Variants in RAB8A observed in about 807,000 individuals in gnomAD.
The protein encoded by RAB8A is RAB8A, member RAS oncogene family.
Under a neutral mutation model 29.2 loss-of-function variants are expected in RAB8A, and 5 were observed. The ratio of observed to expected loss-of-function variants is 0.17; its 90% CI spans 0.09 to 0.36. RAB8A has a LOEUF of 0.36. Among genes scored for constraint, RAB8A ranks in the 10% least tolerant of loss-of-function variants. The pLI, the probability that RAB8A is intolerant of heterozygous loss-of-function variation, is 1.00. For synonymous variants in RAB8A, 108 were observed against 99.9 expected (o/e 1.08, Z -0.49); for missense variants, 171 against 272.2 (o/e 0.63, Z 2.62).
Position 16,127,631 on chromosome 19 carries a change from T to C in RAB8A, c.414+105T>C. On this transcript the variant is annotated intron_variant, in intron 5 of 7. Transcript: ENST00000300935. This position sits in a 1 kb window ranked among gnomAD's most constrained non-coding sequence, Gnocchi z 4.8. ...GCCCCAGGGGCCTGAGACGAGTTGG[T>C]CACCCCAGTGGGGCACGTGCCATGG... is the stretch of plus-strand genomic sequence containing the variant. The C allele has an allele frequency of 3.3e-6, 3 of 917,492 alleles. No homozygotes were observed. The highest frequency in any genetic ancestry group is 4.7e-6 in the Non-Finnish European group (3 of 632,048). 56.8% of individuals were successfully genotyped at this position (917,492 alleles called of 1,614,324 possible). A position where few individuals can be genotyped will look rare whatever the true frequency, so the allele number is the denominator to read the frequency against.
At position 16,121,982 on chromosome 19, in the gene RAB8A, C is replaced by G. The variant is rs573109621; in HGVS notation, c.246+172C>G. On this transcript the variant is annotated intron_variant, in intron 3 of 7. Transcript: ENST00000300935. The stretch of plus-strand genomic sequence containing the variant: ...ACAGGCTTTGTGCCCCGGCCTACCC[C>G]CATGTACATACCTCCCCTTCTGGCT... 2.0e-5 allele frequency: 12 copies of G among 587,484 alleles called. No individual in the cohort carries two copies. In the African/African-American group the frequency reaches 2.2e-4, roughly 11 times the overall value. The allele number at this position is 587,484 out of a possible 1,614,324, so 36.4% of individuals were successfully genotyped here. A position where few individuals can be genotyped will look rare whatever the true frequency, so the allele number is the denominator to read the frequency against.
rs964691409 is a variant in RAB8A, at chr19:16,133,735, G to A, written c.*1431G>A. On this transcript the variant is annotated 3_prime_UTR_variant, in exon 8 of 8. Transcript: ENST00000300935. ...GGTAGAGCCCATGGATTACCCCATC[G>A]AGCGGCCACCTCAGAGGAGATGCCA... 4 of 152,440 alleles carry A rather than the reference G, an allele frequency of 2.6e-5. No individual in the cohort carries two copies. The highest frequency in any genetic ancestry group is 7.2e-5 in the African/African-American group (3 of 41,454). 9.4% of individuals were successfully genotyped at this position (152,440 alleles called of 1,614,324 possible).
chr19:16,120,313 ATTTTTT>A (rs546591257), intron 2 of RAB8A, among the ~76,000 whole-genome samples: 1 of 130,466 alleles, frequency 7.7e-6, no homozygotes, highest in East Asian at 2.2e-4. Flanking sequence ...GTCACCTTTA[ATTTTTT>A]TTTTTTTTTT....
At chr19:16,126,718 C>T (rs2090903068) in intron 4 of RAB8A, 1 of 152,276 alleles carries the variant, frequency 6.6e-6, no homozygotes, top group African/African-American at 2.4e-5. Flanking sequence ...AATGTCAGGG[C>T]CAGGCGAGGT....
At chr19:16,116,553 G>A (rs1033531663) in intron 1 of RAB8A, among the ~76,000 whole-genome samples, 5 of 152,242 alleles carry the variant, frequency 3.3e-5, no homozygotes, top group East Asian at 1.9e-4. Flanking sequence ...GGCCAGGCAC[G>A]CACGGTGGCA....
chr19:16,118,276 C>T lies in RAB8A; in HGVS notation c.175C>T (p.Leu59=). The T allele has an allele frequency of 6.2e-7, 1 of 1,611,154 alleles. No homozygotes were observed. Among genetic ancestry groups the T allele is most frequent in the South Asian group, 1.1e-5 (1 of 91,050 alleles). The stretch of plus-strand genomic sequence containing the variant: ...AGAGCTCGATGGCAAGAGAATTAAA[C>T]TGCAGATATGGTAAGAGTCATTGTT... ...TIELDGKRIK[L]QIWDTAGQER... The change falls in exon 2 of 8, where the codon CTG becomes TTG. Residue 59 remains leucine (L), a synonymous_variant. Transcript: ENST00000300935.
In RAB8A at chr19:16,125,644, C is replaced by A. The variant is rs1468591765; in HGVS notation, c.324+97C>A. On this transcript the variant is annotated intron_variant, in intron 4 of 7. Transcript: ENST00000300935. The surrounding 1 kb of genome is among the most constrained non-coding windows in gnomAD (Gnocchi z 5.0). ...GAAGGCCAAGGTGCAGAGACACATA[C>A]AGGCCACTTGCCCACAGCCTCCTAG... 1 of 1,162,988 alleles carries A rather than the reference C, an allele frequency of 8.6e-7. No homozygotes were observed. Among genetic ancestry groups the A allele is most frequent in the South Asian group, 1.3e-5 (1 of 76,740 alleles). The allele number at this position is 1,162,988 out of a possible 1,614,324, so 72.0% of individuals were successfully genotyped here. A position where few individuals can be genotyped will look rare whatever the true frequency, so the allele number is the denominator to read the frequency against.
intron 1 of RAB8A, among the ~76,000 whole-genome samples, chr19:16,113,740 TAGAG>T (rs987221310): frequency 6.6e-6 from 1 of 152,150 alleles, no homozygotes; most frequent in African/African-American, 2.4e-5. Flanking sequence ...AGATGTAAAA[TAGAG>T]AGAATTGACT....
chr19:16,127,541 A>ACAAGG lies in RAB8A; in HGVS notation c.414+16_414+20dup, dbSNP rs749079286. 115 of 1,506,940 alleles carry ACAAGG rather than the reference A, an allele frequency of 7.6e-5. No homozygotes were observed. The highest frequency in any genetic ancestry group is 9.8e-5 in the Non-Finnish European group (110 of 1,127,110). 93.3% of individuals were successfully genotyped at this position (1,506,940 alleles called of 1,614,324 possible). A position where few individuals can be genotyped will look rare whatever the true frequency, so the allele number is the denominator to read the frequency against. ...GGGGAGAAAAGGTGGGCATGGTGGC[A>ACAAGG]CAAGGGGCAGAGGGCCTCGGGGTCT... On this transcript the variant is annotated intron_variant, in intron 5 of 7. Transcript: ENST00000300935. The surrounding 1 kb of genome is among the most constrained non-coding windows in gnomAD (Gnocchi z 4.8).
chr19:16,112,087 G>C (rs2090826057), intron 1 of RAB8A, 62 bp downstream of exon 1: 9 of 1,595,726 alleles, frequency 5.6e-6, no homozygotes, highest in Non-Finnish European at 7.7e-6. Flanking sequence ...CCCCTGAGGG[G>C]CTGGGGCTGA....
intron 7 of RAB8A, 136 bp downstream of exon 7, chr19:16,129,740 G>C: frequency 3.4e-6 from 3 of 889,794 alleles, no homozygotes; most frequent in East Asian, 2.5e-5. Context: ...GCTGGGAAAG[G>C]GGGAAGAGTT....
Position 16,117,216 on chromosome 19 carries a change from C to T in RAB8A, c.125-1010C>T, listed in dbSNP as rs146741247. Among the ~76,000 whole-genome samples, 843 of 151,988 alleles carry T rather than the reference C, an allele frequency of 5.5e-3. 7 individuals carry two copies. Among genetic ancestry groups the T allele is most frequent in the Non-Finnish European group, 8.6e-3 (585 of 67,962 alleles). On this transcript the variant is annotated intron_variant, in intron 1 of 7. Transcript: ENST00000300935. Reference sequence around the variant, plus strand: ...AAAGTTTGGAGCAGAGGGCCGGGTGCGGTGGCTGATGCCTATAATCCCAGC... The same window carrying T: ...AAAGTTTGGAGCAGAGGGCCGGGTGTGGTGGCTGATGCCTATAATCCCAGC...
chr19:16,123,757 T>A (rs2090885078), intron 3 of RAB8A: 1 of 152,196 alleles, frequency 6.6e-6, no homozygotes, highest in African/African-American at 2.4e-5. Flanking sequence ...TCCTCATCTC[T>A]GTCAGCATGC....
chr19:16,115,561 G>A (rs1405791028), intron 1 of RAB8A, among the ~76,000 whole-genome samples: 6 of 152,180 alleles, frequency 3.9e-5, no homozygotes, highest in African/African-American at 1.4e-4. Flanking sequence ...GTTGGCATTT[G>A]AGAAAGTGCT....
In RAB8A at chr19:16,127,849, C is replaced by T; in HGVS notation, c.415-177C>T. 1 of 684,158 alleles carries T rather than the reference C, an allele frequency of 1.5e-6. No individual in the cohort carries two copies. The highest frequency in any genetic ancestry group is 2.6e-6 in the Non-Finnish European group (1 of 385,044). The allele number at this position is 684,158 out of a possible 1,614,324, so 42.4% of individuals were successfully genotyped here. ...CCCAGCAACTCCATGCCCTGTGAGG[C>T]CCTGTGGAGGGGCATTCACTATAGA... On this transcript the variant is annotated intron_variant, in intron 5 of 7. Transcript: ENST00000300935. The surrounding 1 kb of genome is among the most constrained non-coding windows in gnomAD (Gnocchi z 4.8).
chr19:16,131,952 G>C (rs1256178440), intron 7 of RAB8A, among the ~76,000 whole-genome samples: 1 of 151,512 alleles, frequency 6.6e-6, no homozygotes, highest in Non-Finnish European at 1.5e-5. Flanking sequence ...TGGATGGTTT[G>C]ATGGCTGATT....
intron 1 of RAB8A, among the ~76,000 whole-genome samples, chr19:16,114,023 C>CT (rs1189478669): frequency 6.6e-6 from 1 of 152,164 alleles, no homozygotes; most frequent in African/African-American, 2.4e-5. Context: ...CAAGGCTAAA[C>CT]TTTAGGGTAA....
chr19:16,130,199 A>G (rs2090919364), intron 7 of RAB8A, among the ~76,000 whole-genome samples: 1 of 151,562 alleles, frequency 6.6e-6, no homozygotes, highest in South Asian at 2.1e-4. Context: ...CGCTGCGCTC[A>G]GTATCAATGG....
chr19:16,125,320 G>A lies in RAB8A; in HGVS notation c.247-150G>A, dbSNP rs979964794. On this transcript the variant is annotated intron_variant, in intron 3 of 7. Coordinates refer to ENST00000300935, the MANE Select transcript of RAB8A (RefSeq NM_005370.5). The surrounding 1 kb of genome is among the most constrained non-coding windows in gnomAD (Gnocchi z 5.0). Reference sequence around the variant, plus strand: ...GATGGAGAGGAGGGGGCTGGCTTCCGGGGCTCCACAGAGGTGGGGAGGGCG... The same window carrying A: ...GATGGAGAGGAGGGGGCTGGCTTCCAGGGCTCCACAGAGGTGGGGAGGGCG... 25 of 667,158 alleles carry A rather than the reference G, an allele frequency of 3.7e-5. No homozygotes were observed. Among genetic ancestry groups the A allele is most frequent in the South Asian group, 8.8e-5 (5 of 57,124 alleles). 41.3% of individuals were successfully genotyped at this position (667,158 alleles called of 1,614,324 possible). A position where few individuals can be genotyped will look rare whatever the true frequency, so the allele number is the denominator to read the frequency against.
Sources: gnomAD v4.1 joint callset for allele counts (sites outside exome capture counted in the v4.1 genomes callset) on GRCh38, gnomAD v4.1.1 for gene constraint, Gnocchi (gnomAD v3.1) non-coding constraint, MANE v1.5 for transcripts, NCBI Gene and HGNC (gene_info 2026-07-23, HGNC 2026-07-21) for gene names.